MSH3: variants seen among roughly 807,000 people sequenced by gnomAD.
MSH3 encodes the protein DNA mismatch repair protein Msh3.
A neutral mutation model predicts 123.3 loss-of-function variants in MSH3; 106 were observed. The ratio of observed to expected loss-of-function variants is 0.86; its 90% CI spans 0.73 to 1.01. The LOEUF is 1.01. MSH3 is among the 50% of genes least tolerant of loss of function. MSH3 has a pLI of 0.00. For missense variants in MSH3, 1,459 were observed against 1,347.6 expected (o/e 1.08, Z -1.29); for synonymous variants, 515 against 481.4 (o/e 1.07, Z -0.91).
chr5:80,678,828 G>C, intron 7 of MSH3, 99 bp from the exon 8 acceptor site: 1 of 1,330,510 alleles, frequency 7.5e-7, no homozygotes, highest in South Asian at 1.2e-5. Context: ...ACATACTCCT[G>C]AGTGTATCAT....
intron 15 of MSH3, among the ~76,000 whole-genome samples, chr5:80,770,271 T>A (rs1437214647): frequency 5.5e-5 from 3 of 54,964 alleles, no homozygotes; most frequent in African/African-American, 1.7e-4. Flanking sequence ...TTCTACTACA[T>A]TTTTTTTTTT....
chr5:80,843,548 T>C (rs1480839271), intron 20 of MSH3, among the ~76,000 whole-genome samples: 1 of 152,180 alleles, frequency 6.6e-6, no homozygotes, highest in Non-Finnish European at 1.5e-5. Flanking sequence ...CTTTTTTTGG[T>C]TGGTGGGCTA....
At chr5:80,845,310 C>A (rs905188820) in intron 20 of MSH3, among the ~76,000 whole-genome samples, 14 of 152,216 alleles carry the variant, frequency 9.2e-5, no homozygotes, top group African/African-American at 3.4e-4. Flanking sequence ...GTAACCGGAC[C>A]TTTCTCTCTG....
At chr5:80,871,586 G>GCTCT (rs1370152222) in intron 22 of MSH3, among the ~76,000 whole-genome samples, 2 of 152,136 alleles carry the variant, frequency 1.3e-5, no homozygotes, top group Non-Finnish European at 2.9e-5. Flanking sequence ...CATGCCTTAG[G>GCTCT]CTCTCACCAA....
intron 13 of MSH3, among the ~76,000 whole-genome samples, chr5:80,764,847 A>T (rs1312685812): frequency 6.6e-6 from 1 of 152,208 alleles, no homozygotes; most frequent in Non-Finnish European, 1.5e-5. Context: ...GAGTGTTTTC[A>T]GAATTTCCTA....
chr5:80,861,681 A>G (rs1746015659), intron 21 of MSH3, among the ~76,000 whole-genome samples: 1 of 151,960 alleles, frequency 6.6e-6, no homozygotes, highest in African/African-American at 2.4e-5. Context: ...TTCCCCCATG[A>G]CTCGGTTCCC....
rs2405877 is a variant in MSH3 at position 80,654,917 on chromosome 5, C to T, written c.190C>T (p.Pro64Ser). Reference sequence around the variant, plus strand: ...AGCGGCCGCAGCGGCCGCAGCGCCCCCAGCGCCCCCAGCTCCCGCCTTCCC... The same window carrying T: ...AGCGGCCGCAGCGGCCGCAGCGCCCTCAGCGCCCCCAGCTCCCGCCTTCCC... The part of the protein sequence containing the change: ...AAAAAAAAAP[P>S]APPAPAFPPQ... Residue 64 changes from proline (P) to serine (S), a missense_variant, in exon 1 of 24, where the codon CCA (proline) becomes TCA (serine). Transcript: ENST00000265081. The T allele has an allele frequency of 2.1e-6, 3 of 1,440,620 alleles. No individual in the cohort carries two copies. Among genetic ancestry groups the T allele is most frequent in the Non-Finnish European group, 1.8e-6 (2 of 1,085,426 alleles). 89.2% of individuals were successfully genotyped at this position (1,440,620 alleles called of 1,614,324 possible).
intron 17 of MSH3, among the ~76,000 whole-genome samples, chr5:80,784,518 G>A (rs952665302): frequency 6.6e-6 from 1 of 152,066 alleles, no homozygotes; most frequent in Non-Finnish European, 1.5e-5. Context: ...GGAGAATGGG[G>A]TATCCATGCC....
At chr5:80,801,763 T>G (rs572580606) in intron 19 of MSH3, among the ~76,000 whole-genome samples, 2 of 152,192 alleles carry the variant, frequency 1.3e-5, no homozygotes, top group South Asian at 2.1e-4. Context: ...ATTCAAGCAA[T>G]GTACCTGAAT....
rs752826671 is a variant in MSH3 at position 80,654,665 on chromosome 5, C to T, written c.-63C>T. 6.7e-7 allele frequency: 1 copy of T among 1,498,744 alleles called. No individual in the cohort carries two copies. The highest frequency in any genetic ancestry group is 9.0e-7 in the Non-Finnish European group (1 of 1,108,948). The allele number at this position is 1,498,744 out of a possible 1,614,324, so 92.8% of individuals were successfully genotyped here. On this transcript the variant is annotated 5_prime_UTR_variant, in exon 1 of 24. Transcript: ENST00000265081. ...GCTCGCGCCCGCAGACGCCTGGGAA[C>T]TGCGGCCGCGGGCTCGCGCTCCTCG... is the stretch of plus-strand genomic sequence containing the variant.
intron 9 of MSH3, among the ~76,000 whole-genome samples, chr5:80,726,934 G>T (rs572932823): frequency 1.3e-5 from 2 of 152,206 alleles, no homozygotes; most frequent in Non-Finnish European, 1.5e-5. Flanking sequence ...AGCATGTGTT[G>T]CTCTTAGTGG....
At chr5:80,824,876 T>G (rs903111585) in intron 20 of MSH3, among the ~76,000 whole-genome samples, 8 of 152,188 alleles carry the variant, frequency 5.3e-5, no homozygotes, top group African/African-American at 1.9e-4. Context: ...AGATACTCCT[T>G]GATTTCTTTA....
chr5:80,761,378 T>C (rs936911386), intron 12 of MSH3, among the ~76,000 whole-genome samples, 168 bp from the exon 13 acceptor site: 2 of 152,098 alleles, frequency 1.3e-5, no homozygotes, highest in African/African-American at 2.4e-5. Flanking sequence ...CATACGCCCA[T>C]TGGAGTTTTG....
chr5:80,837,519 A>G (rs1745538354), intron 20 of MSH3, among the ~76,000 whole-genome samples: 1 of 152,194 alleles, frequency 6.6e-6, no homozygotes, highest in Admixed American at 6.5e-5. Context: ...TTGAGGCTGC[A>G]GTGAGCCAAG....
rs1746308813 is a variant in MSH3, at chr5:80,876,430, C to G, written c.*568C>G. On this transcript the variant is annotated 3_prime_UTR_variant, in exon 24 of 24. Coordinates refer to ENST00000265081, the MANE Select transcript of MSH3 (RefSeq NM_002439.5). ...CCAGCCTGGCCAACATGGCAAAACC[C>G]CATCTTTACTAAAAATATAAAGTAC... 6.1e-6 allele frequency: 1 copy of G among 164,582 alleles called. No individual in the cohort carries two copies. Among genetic ancestry groups the G allele is most frequent in the Non-Finnish European group, 1.3e-5 (1 of 75,528 alleles). 10.2% of individuals were successfully genotyped at this position (164,582 alleles called of 1,614,324 possible).
intron 21 of MSH3, among the ~76,000 whole-genome samples, chr5:80,854,583 G>A (rs2112107005): frequency 6.6e-6 from 1 of 152,098 alleles, no homozygotes. Flanking sequence ...TGCAATCCCT[G>A]CATACCCTTT....
At position 80,672,864 on chromosome 5, in the gene MSH3, CT is replaced by C. The variant is rs2112814406; in HGVS notation, c.1027+11del. ...ATCTACACTTATTGGAGAAGATATCCTTTTTGGACGGGAGTTTTTCTCTTAA... is the reference window on the plus strand; with the variant it reads ...ATCTACACTTATTGGAGAAGATATCCTTTTGGACGGGAGTTTTTCTCTTAA... On this transcript the variant is annotated splice_region_variant and intron_variant, in intron 6 of 23. Coordinates refer to ENST00000265081, the MANE Select transcript of MSH3 (RefSeq NM_002439.5). 2 of 1,585,440 alleles carry C rather than the reference CT, an allele frequency of 1.3e-6. No homozygotes were observed. Among genetic ancestry groups the C allele is most frequent in the Admixed American group, 1.7e-5 (1 of 59,976 alleles).
intron 1 of MSH3, among the ~76,000 whole-genome samples, chr5:80,656,155 G>A (rs1316955446): frequency 1.3e-5 from 2 of 152,160 alleles, no homozygotes; most frequent in Non-Finnish European, 2.9e-5. Flanking sequence ...AATCAAGACC[G>A]GTAGCAGCCT....
chr5:80,853,323 A>C (rs1258631068), intron 20 of MSH3, among the ~76,000 whole-genome samples: 1 of 152,214 alleles, frequency 6.6e-6, no homozygotes, highest in East Asian at 1.9e-4. Flanking sequence ...AATACAAAAA[A>C]TGTTAGCCAG....
Sources: gnomAD v4.1 joint callset for allele counts (sites outside exome capture counted in the v4.1 genomes callset) on GRCh38, gnomAD v4.1.1 for gene constraint, MANE v1.5 for transcripts, NCBI Gene and HGNC (gene_info 2026-07-23, HGNC 2026-07-21) for gene names.